Variants in TBC1D16 observed in about 807,000 individuals in gnomAD.
TBC1D16 encodes TBC1 domain family member 16.
In TBC1D16, 58 loss-of-function variants were observed where a neutral mutation model predicts 74.7. That is an observed-to-expected ratio of 0.78 (90% CI 0.63 to 0.97). The LOEUF (loss-of-function observed/expected upper bound fraction) is 0.97. Among genes scored for constraint, TBC1D16 ranks in the 50% least tolerant of loss-of-function variants. The pLI, the probability that TBC1D16 is intolerant of heterozygous loss-of-function variation, is 0.00. For missense variants in TBC1D16, 1,014 were observed against 1,079.5 expected, an observed-to-expected ratio of 0.94 and a Z score of 0.85; for synonymous variants, 493 against 474.7, an observed-to-expected ratio of 1.04 and a Z score of -0.50.
At position 79,990,454 on chromosome 17, in the gene TBC1D16, G is replaced by A. The variant is rs1449500764; in HGVS notation, c.779+19706C>T. Among the ~76,000 whole-genome samples, 1 of 152,182 alleles carries A rather than the reference G, an allele frequency of 6.6e-6. No individual in the cohort carries two copies. Among genetic ancestry groups the A allele is most frequent in the Non-Finnish European group, 1.5e-5 (1 of 68,028 alleles). ...AAGTTCACGACCAATTGCTGGGGTG[G>A]GGACAACCTACACAGGCTTACAGAC... On this transcript the variant is annotated intron_variant, in intron 3 of 11. Transcript: ENST00000310924. This position sits in a 1 kb window ranked among gnomAD's most constrained non-coding sequence, Gnocchi z 4.8.
intron 2 of TBC1D16, among the ~76,000 whole-genome samples, chr17:80,011,166 G>A (rs951859428): frequency 2.0e-5 from 3 of 150,862 alleles, no homozygotes; most frequent in African/African-American, 7.3e-5. Context: ...CTCAGCTCCC[G>A]AGTAGCTGGG....
chr17:79,933,296 G>A lies in TBC1D16; in HGVS notation c.*7563C>T, dbSNP rs539245004. ...CCTGTTCTATGTTGGGGGGGATACT[G>A]AGGGTCCGTCTCACTGGGACGAAGA... is the stretch of plus-strand genomic sequence containing the variant. On this transcript the variant is annotated 3_prime_UTR_variant, in exon 12 of 12. Transcript: ENST00000310924. 3 of 152,268 alleles carry A rather than the reference G, an allele frequency of 2.0e-5. No homozygotes were observed. The highest frequency in any genetic ancestry group is 7.2e-5 in the African/African-American group (3 of 41,514). 9.4% of individuals were successfully genotyped at this position (152,268 alleles called of 1,614,324 possible).
chr17:79,984,325 T>C (rs1367425109), intron 3 of TBC1D16, among the ~76,000 whole-genome samples: 1 of 152,192 alleles, frequency 6.6e-6, no homozygotes, highest in Non-Finnish European at 1.5e-5. Context: ...AAAAAAATTT[T>C]AAACCAAGAA....
At chr17:80,024,263 C>G (rs185728733) in intron 1 of TBC1D16, among the ~76,000 whole-genome samples, 2 of 64,364 alleles carry the variant, frequency 3.1e-5, no homozygotes, top group Non-Finnish European at 6.2e-5. Context: ...GCTCCCACCC[C>G]GGAGGAGTCA....
rs1054342916 is a variant in TBC1D16 at position 80,013,677 on chromosome 17, T to G, written c.-62-68A>C. 5.0e-6 allele frequency: 5 copies of G among 992,558 alleles called. No individual in the cohort carries two copies. The African/African-American group carries it at 8.3e-5, about 16-fold the overall frequency. The allele number at this position is 992,558 out of a possible 1,614,324, so 61.5% of individuals were successfully genotyped here. A position where few individuals can be genotyped will look rare whatever the true frequency, so the allele number is the denominator to read the frequency against. ...GCGTTCTGTCTCACAGCAGTACGTG[T>G]CGCCTCGGCACCCGGTGGGTTCTGG... On this transcript the variant is annotated intron_variant, in intron 1 of 11. Coordinates refer to ENST00000310924, the MANE Select transcript of TBC1D16 (RefSeq NM_019020.4).
rs2036934274 is a variant in TBC1D16, at chr17:80,035,287, A to C, written c.-63+508T>G. Among the ~76,000 whole-genome samples, 1 of 150,608 alleles carries C rather than the reference A, an allele frequency of 6.6e-6. No individual in the cohort carries two copies. The highest frequency in any genetic ancestry group is 1.5e-5 in the Non-Finnish European group (1 of 67,776). Reference sequence around the variant, plus strand: ...AACAAGGGAGCCCAGGCGGAACGGAAGTGAGTATCCCGACACGCGGATCTT... The same window carrying C: ...AACAAGGGAGCCCAGGCGGAACGGACGTGAGTATCCCGACACGCGGATCTT... On this transcript the variant is annotated intron_variant, in intron 1 of 11. Coordinates refer to ENST00000310924, the MANE Select transcript of TBC1D16 (RefSeq NM_019020.4). The surrounding 1 kb of genome is among the most constrained non-coding windows in gnomAD (Gnocchi z 5.3).
chr17:79,981,702 G>A lies in TBC1D16; in HGVS notation c.779+28458C>T, dbSNP rs1449177897. 6.6e-6 allele frequency among the ~76,000 whole-genome samples: 1 copy of A among 152,248 alleles called. No individual in the cohort carries two copies. Among genetic ancestry groups the A allele is most frequent in the Non-Finnish European group, 1.5e-5 (1 of 68,044 alleles). ...GAAGCACCTCCCACACCGGAGGCAA[G>A]GGACGCGCCACCCTCGGAGCGGCTC... On this transcript the variant is annotated intron_variant, in intron 3 of 11. Transcript: ENST00000310924. This position sits in a 1 kb window ranked among gnomAD's most constrained non-coding sequence, Gnocchi z 6.9.
At chr17:80,021,874 ACAC>A (rs1403553872) in intron 1 of TBC1D16, among the ~76,000 whole-genome samples, 8 of 150,926 alleles carry the variant, frequency 5.3e-5, no homozygotes, top group Non-Finnish European at 1.2e-4. Flanking sequence ...TGACACACAC[ACAC>A]CATGACACAC....
intron 1 of TBC1D16, among the ~76,000 whole-genome samples, chr17:80,022,793 C>T (rs1197994969): frequency 6.7e-6 from 1 of 149,188 alleles, no homozygotes; most frequent in South Asian, 2.1e-4. Flanking sequence ...CCTGCCATTA[C>T]ACCTGGCTAA....
In TBC1D16 at chr17:79,991,328, T is replaced by A. The variant is rs143993363; in HGVS notation, c.779+18832A>T. Among the ~76,000 whole-genome samples, 1,431 of 152,242 alleles carry A rather than the reference T, an allele frequency of 9.4e-3. 16 individuals are homozygous for A. Among genetic ancestry groups the A allele is most frequent in the Middle Eastern group, 0.037 (11 of 294 alleles). On this transcript the variant is annotated intron_variant, in intron 3 of 11. Coordinates refer to ENST00000310924, the MANE Select transcript of TBC1D16 (RefSeq NM_019020.4). ...TTTGGGGCCAGAGGTCAAACGTGTCTGGGTTCCGTGTAGTCTCAGGGGAGG... is the reference window on the plus strand; with the variant it reads ...TTTGGGGCCAGAGGTCAAACGTGTCAGGGTTCCGTGTAGTCTCAGGGGAGG...
chr17:80,034,379 T>G (rs1568658306), intron 1 of TBC1D16, among the ~76,000 whole-genome samples: 1 of 136,570 alleles, frequency 7.3e-6, no homozygotes, highest in East Asian at 2.0e-4. Context: ...TTTGTATTTT[T>G]AGTAGATATG....
chr17:79,989,015 T>G (rs1449643249), intron 3 of TBC1D16, among the ~76,000 whole-genome samples: 1 of 152,124 alleles, frequency 6.6e-6, no homozygotes, highest in Admixed American at 6.5e-5. Flanking sequence ...AAAGGAAGTT[T>G]CTTAACTTGA....
intron 1 of TBC1D16, among the ~76,000 whole-genome samples, chr17:80,034,245 G>A (rs962768941): frequency 2.2e-4 from 31 of 141,756 alleles, no homozygotes; most frequent in Middle Eastern, 3.7e-3. Flanking sequence ...TCTATCACCC[G>A]GGCTGGGGTG....
Position 79,980,503 on chromosome 17 carries a change from C to G in TBC1D16, c.780-27685G>C, listed in dbSNP as rs1464734174. Reference sequence around the variant, plus strand: ...GGTTTGTCCAGAAAAAGACACAGAACCCGCAGGCCCTGGAGGACCCTGAAG... The same window carrying G: ...GGTTTGTCCAGAAAAAGACACAGAAGCCGCAGGCCCTGGAGGACCCTGAAG... On this transcript the variant is annotated intron_variant, in intron 3 of 11. Transcript: ENST00000310924. This position sits in a 1 kb window ranked among gnomAD's most constrained non-coding sequence, Gnocchi z 7.0. 6.6e-6 allele frequency among the ~76,000 whole-genome samples: 1 copy of G among 152,166 alleles called. No homozygotes were observed. Among genetic ancestry groups the G allele is most frequent in the Non-Finnish European group, 1.5e-5 (1 of 68,036 alleles).
At chr17:79,984,842 C>T (rs1340682229) in intron 3 of TBC1D16, among the ~76,000 whole-genome samples, 4 of 152,116 alleles carry the variant, frequency 2.6e-5, no homozygotes, top group Admixed American at 2.0e-4. Context: ...GACCTCAGAT[C>T]ATAACAGAAA....
At position 79,952,751 on chromosome 17, in the gene TBC1D16, A is replaced by G. The variant is rs1370458839; in HGVS notation, c.847T>C (p.Trp283Arg). 2.5e-6 allele frequency: 4 copies of G among 1,612,050 alleles called. No individual in the cohort carries two copies. Among genetic ancestry groups the G allele is most frequent in the Middle Eastern group, 1.6e-4 (1 of 6,078 alleles). Reference protein sequence around the residue: ...DSNGLLQTPRWDEPQRVCALE... With the variant: ...DSNGLLQTPRRDEPQRVCALE... ...GCGCACACCCGCTGCGGCTCGTCCC[A>G]GCGTGGGGTCTGCAGGAGGCCGTTG... Residue 283 changes from tryptophan (W) to arginine (R), a missense_variant, in exon 4 of 12, where the codon TGG becomes CGG. Coordinates refer to ENST00000310924, the MANE Select transcript of TBC1D16 (RefSeq NM_019020.4).
Position 79,949,864 on chromosome 17 carries a change from G to A in TBC1D16, c.1259C>T (p.Ala420Val). The change falls in exon 7 of 12, where the codon GCC becomes GTC. Residue 420 changes from alanine (A) to valine (V), a missense_variant and splice_region_variant. By Grantham distance (64) the Ala-to-Val change is moderately conservative (BLOSUM62 0). Coordinates refer to ENST00000310924, the MANE Select transcript of TBC1D16 (RefSeq NM_019020.4). Reference protein sequence around the residue: ...QVEEEYKLRKAIFFGGIDVSI... With the variant: ...QVEEEYKLRKVIFFGGIDVSI... ...CACATCAATACCGCCAAAGAAAATGGCCTGGAGGAAGCGGCAAAAGTTGGG... is the reference window on the plus strand; with the variant it reads ...CACATCAATACCGCCAAAGAAAATGACCTGGAGGAAGCGGCAAAAGTTGGG... 6.2e-7 allele frequency: 1 copy of A among 1,612,008 alleles called. No homozygotes were observed. Among genetic ancestry groups the A allele is most frequent in the South Asian group, 1.1e-5 (1 of 91,046 alleles).
In TBC1D16 at chr17:79,979,518, C is replaced by T. The variant is rs918547052; in HGVS notation, c.780-26700G>A. On this transcript the variant is annotated intron_variant, in intron 3 of 11. Coordinates refer to ENST00000310924, the MANE Select transcript of TBC1D16 (RefSeq NM_019020.4). This position sits in a 1 kb window ranked among gnomAD's most constrained non-coding sequence, Gnocchi z 4.8. ...AATGCATCTGGGCGTGAAGACGTCC[C>T]TGTGTCATCTCTGCAGGACCAAACA... Among the ~76,000 whole-genome samples, 3 of 152,168 alleles carry T rather than the reference C, an allele frequency of 2.0e-5. No homozygotes were observed. The highest frequency in any genetic ancestry group is 4.4e-5 in the Non-Finnish European group (3 of 68,032).
In TBC1D16 at chr17:79,954,764, G is replaced by A. The variant is rs566732835; in HGVS notation, c.780-1946C>T. Among the ~76,000 whole-genome samples the A allele has an allele frequency of 2.6e-5, 4 of 152,152 alleles. No individual in the cohort carries two copies. The highest frequency in any genetic ancestry group is 6.5e-5 in the Admixed American group (1 of 15,300). ...TGCCCCGTGTGCTGCCTGCTGGCCC[G>A]GCCCACCCAGTGGGGCCATCAGAGG... On this transcript the variant is annotated intron_variant, in intron 3 of 11. Transcript: ENST00000310924. This position sits in a 1 kb window ranked among gnomAD's most constrained non-coding sequence, Gnocchi z 5.5.
Sources: allele counts gnomAD v4.1 joint callset (sites outside exome capture counted in the v4.1 genomes callset), GRCh38; gene constraint gnomAD v4.1.1; non-coding constraint Gnocchi (gnomAD v3.1); transcripts MANE v1.5; gene names NCBI Gene and HGNC (gene_info 2026-07-23, HGNC 2026-07-21).